Variants in NTPCR observed in about 807,000 individuals in gnomAD.
The protein encoded by NTPCR is nucleoside-triphosphatase, cancer-related, also known as cancer-related nucleoside-triphosphatase.
A neutral mutation model predicts 19.5 loss-of-function variants in NTPCR; 15 were observed. The observed-to-expected ratio is 0.77, with a 90% confidence interval of 0.51 to 1.18. The LOEUF (loss-of-function observed/expected upper bound fraction) is 1.18. Among genes scored for constraint, NTPCR ranks in the 50% most tolerant of loss-of-function variants. The pLI is 0.00. For synonymous variants in NTPCR, 90 were observed against 95.8 expected, an observed-to-expected ratio of 0.94 and a Z score of 0.36; for missense variants, 206 against 240.4, an observed-to-expected ratio of 0.86 and a Z score of 0.95.
intron 4 of NTPCR, among the ~76,000 whole-genome samples, chr1:232,975,253 A>G (rs1282341647): frequency 6.6e-6 from 1 of 152,152 alleles, no homozygotes; most frequent in Non-Finnish European, 1.5e-5. Flanking sequence ...TAATATGATC[A>G]GTGTCTGTAT....
chr1:232,960,817 T>C (rs186608374), intron 3 of NTPCR, among the ~76,000 whole-genome samples: 325 of 152,338 alleles, frequency 2.1e-3, no homozygotes, highest in African/African-American at 7.6e-3. Flanking sequence ...TCCTTATTTG[T>C]CAACATTTGT....
At chr1:232,966,036 A>G (rs992758107) in intron 3 of NTPCR, 1 of 152,128 alleles carries the variant, frequency 6.6e-6, no homozygotes, top group Non-Finnish European at 1.5e-5. Flanking sequence ...CTGGAGACTC[A>G]CAGTCCATAT....
At chr1:232,963,874 TGTGTGTATAAATATATAAGCTGGAA>T (rs1272596812) in intron 3 of NTPCR, 2 of 151,954 alleles carry the variant, frequency 1.3e-5, no homozygotes, top group Non-Finnish European at 2.9e-5. Flanking sequence ...TGTGTTTGTG[TGTGTGTATAAATATATAAGCTGGAA>T]GGGGGTGACT....
rs761777067 is a variant in NTPCR at position 232,955,683 on chromosome 1, C to T, written c.161C>T (p.Thr54Met). Residue 54 changes from threonine to methionine, a missense_variant, in exon 2 of 5, where the codon ACG (threonine) becomes ATG (methionine). Transcript: ENST00000366628. The part of the protein sequence containing the change: ...GGRRIGFDVV[T>M]LSGTRGPLSR... ...AGAAGAATAGGATTCGATGTCGTCA[C>T]GTTGTCCGGCACCCGGGGGCCTTTA... 1.8e-5 allele frequency: 29 copies of T among 1,613,840 alleles called. No homozygotes were observed. Among genetic ancestry groups the T allele is most frequent in the South Asian group, 8.8e-5 (8 of 91,064 alleles).
intron 3 of NTPCR, among the ~76,000 whole-genome samples, chr1:232,960,635 C>T (rs1668643652): frequency 6.6e-6 from 1 of 152,108 alleles, no homozygotes; most frequent in South Asian, 2.1e-4. Context: ...AACCACTGTG[C>T]CTAGCCTGGT....
At chr1:232,957,320 G>T (rs1441046808) in intron 3 of NTPCR, among the ~76,000 whole-genome samples, 1 of 151,984 alleles carries the variant, frequency 6.6e-6, no homozygotes, top group Non-Finnish European at 1.5e-5. Context: ...AAGCCATGTG[G>T]GCTAGGTTTT....
At chr1:232,960,364 G>A (rs1668637439) in intron 3 of NTPCR, among the ~76,000 whole-genome samples, 1 of 147,270 alleles carries the variant, frequency 6.8e-6, no homozygotes, top group Non-Finnish European at 1.5e-5. Flanking sequence ...TTTTTTTTGA[G>A]ACAGAGTCTT....
intron 3 of NTPCR, chr1:232,964,889 A>T (rs950954414): frequency 4.6e-5 from 7 of 152,106 alleles, no homozygotes; most frequent in Non-Finnish European, 7.4e-5. Flanking sequence ...AGCAAGTGAA[A>T]TTTTTTTTAA....
intron 4 of NTPCR, among the ~76,000 whole-genome samples, chr1:232,975,765 GA>G (rs1669107881): frequency 6.6e-6 from 1 of 152,094 alleles, no homozygotes; most frequent in Non-Finnish European, 1.5e-5. Context: ...CTCCAGTGCA[GA>G]AAAAAAGAAT....
chr1:232,956,195 C>T, intron 2 of NTPCR, 152 bp from the exon 3 acceptor site: 3 of 637,108 alleles, frequency 4.7e-6, no homozygotes, highest in Non-Finnish European at 8.5e-6. Context: ...GCAGAGAAAA[C>T]CTGATCAGCT....
chr1:232,956,425 A>G lies in NTPCR; in HGVS notation c.276A>G (p.Ala92=). Residue 92 remains alanine (A), a synonymous_variant, in exon 3 of 5, where the codon GCA becomes GCG. Coordinates refer to ENST00000366628, the MANE Select transcript of NTPCR (RefSeq NM_032324.3). ...VVDLTSFEQL[A]LPVLRNADCS... is the part of the protein sequence containing the mutation. Reference sequence around the variant, plus strand: ...ACCTGACTTCTTTTGAGCAGTTGGCACTACCCGTCTTGAGGAATGTGAGTA... The same window carrying G: ...ACCTGACTTCTTTTGAGCAGTTGGCGCTACCCGTCTTGAGGAATGTGAGTA... 6.2e-7 allele frequency: 1 copy of G among 1,612,610 alleles called. No homozygotes were observed. The highest frequency in any genetic ancestry group is 8.5e-7 in the Non-Finnish European group (1 of 1,178,620).
chr1:232,968,722 G>C (rs1668891488), intron 3 of NTPCR: 2 of 152,214 alleles, frequency 1.3e-5, no homozygotes, highest in African/African-American at 4.8e-5. Flanking sequence ...TGCCCTCTAG[G>C]ACTATATTGC....
At chr1:232,957,708 C>T (rs781252874) in intron 3 of NTPCR, among the ~76,000 whole-genome samples, 3 of 152,142 alleles carry the variant, frequency 2.0e-5, no homozygotes, top group Admixed American at 6.5e-5. Context: ...ATGAACAAAA[C>T]AGACATGTTT....
intron 3 of NTPCR, among the ~76,000 whole-genome samples, chr1:232,960,027 A>G (rs1014633839): frequency 2.0e-5 from 3 of 151,800 alleles, no homozygotes; most frequent in African/African-American, 7.3e-5. Flanking sequence ...GCTGGCCAAT[A>G]TGGTGAAACC....
At chr1:232,950,904 T>A (rs1668346872) in intron 1 of NTPCR, 160 bp downstream of exon 1, 1 of 576,424 alleles carries the variant, frequency 1.7e-6, no homozygotes, top group African/African-American at 1.9e-5. Context: ...GAGTTTGTAC[T>A]CCTTCCCGGA....
chr1:232,979,204 G>T lies in NTPCR; in HGVS notation c.*973G>T, dbSNP rs966202254. 2 of 152,202 alleles carry T rather than the reference G, an allele frequency of 1.3e-5. No homozygotes were observed. Among genetic ancestry groups the T allele is most frequent in the Admixed American group, 6.5e-5 (1 of 15,288 alleles). 9.4% of individuals were successfully genotyped at this position (152,202 alleles called of 1,614,324 possible). ...AGAGGATAAAAACTTCCCTCCAAGT[G>T]GTAGATGGTACTGGAGTGATAAACA... On this transcript the variant is annotated 3_prime_UTR_variant, in exon 5 of 5. Coordinates refer to ENST00000366628, the MANE Select transcript of NTPCR (RefSeq NM_032324.3). The surrounding 1 kb of genome is among the most constrained non-coding windows in gnomAD (Gnocchi z 5.3).
intron 4 of NTPCR, chr1:232,976,795 G>A (rs1443401531): frequency 2.9e-6 from 1 of 341,842 alleles, no homozygotes; most frequent in East Asian, 5.5e-5. Context: ...GCCAGGACCA[G>A]TAGAAATGGG....
chr1:232,968,124 G>A (rs187459003), intron 3 of NTPCR: 16 of 152,266 alleles, frequency 1.1e-4, no homozygotes, highest in Non-Finnish European at 2.9e-5. Context: ...AGTTCCCCAG[G>A]AAGGATGCGG....
chr1:232,969,477 C>T (rs1388394281), intron 3 of NTPCR: 1 of 170,612 alleles, frequency 5.9e-6, no homozygotes, highest in Admixed American at 5.5e-5. Context: ...GATAACTGCT[C>T]TAGGTAGATG....
Sources: allele counts gnomAD v4.1 joint callset (sites outside exome capture counted in the v4.1 genomes callset), GRCh38; gene constraint gnomAD v4.1.1; non-coding constraint Gnocchi (gnomAD v3.1); transcripts MANE v1.5; gene names NCBI Gene and HGNC (gene_info 2026-07-23, HGNC 2026-07-21).